The following MTA3 variants were observed in gnomAD, a reference collection of about 807,000 sequenced individuals.
MTA3 encodes metastasis-associated protein MTA3.
MTA3 carries 34 observed loss-of-function variants against 83.5 expected under a neutral mutation model. That is an observed-to-expected ratio of 0.41 (90% CI 0.31 to 0.54). The LOEUF is 0.54. MTA3 is among the 20% of genes least tolerant of loss of function. The pLI, the probability that MTA3 is intolerant of heterozygous loss-of-function variation, is 0.33. For missense variants in MTA3, 761 were observed against 726.4 expected (o/e 1.05, Z -0.55); for synonymous variants, 303 against 252.7 (o/e 1.20, Z -1.89).
chr2:42,618,325 T>C (rs528990491), intron 4 of MTA3, among the ~76,000 whole-genome samples: 1 of 152,326 alleles, frequency 6.6e-6, no homozygotes, highest in African/African-American at 2.4e-5. Flanking sequence ...TTTTTCTAAC[T>C]TAGGGGAACA....
At chr2:42,530,582 G>T (rs1675917814) in intron 2 of MTA3, among the ~76,000 whole-genome samples, 1 of 151,836 alleles carries the variant, frequency 6.6e-6, no homozygotes, top group African/African-American at 2.4e-5. Context: ...TCGGGAGTTT[G>T]AGACCAGTCT....
intron 2 of MTA3, among the ~76,000 whole-genome samples, chr2:42,528,227 C>CT (rs35269830): frequency 3.4e-4 from 50 of 146,090 alleles, no homozygotes; most frequent in Non-Finnish European, 2.9e-4. Context: ...GCCCGGCCCC[C>CT]TTTTTTTTTT....
At chr2:42,642,778 G>A (rs1417876675) in intron 5 of MTA3, among the ~76,000 whole-genome samples, 10 of 65,518 alleles carry the variant, frequency 1.5e-4, no homozygotes, top group Non-Finnish European at 2.6e-4. Flanking sequence ...CTGAGCAGCT[G>A]GGATTACAGG....
At chr2:42,630,098 A>G (rs551731516) in intron 4 of MTA3, among the ~76,000 whole-genome samples, 1 of 152,292 alleles carries the variant, frequency 6.6e-6, no homozygotes. Context: ...AGCGATCCTT[A>G]AATAAAAGCC....
At position 42,496,845 on chromosome 2, in the gene MTA3, T is replaced by A. The variant is rs112926061; in HGVS notation, c.-141+1591T>A. On this transcript the variant is annotated intron_variant, in intron 2 of 17. Transcript: ENST00000405592. ...TCCAGTTCTTTCCTATCTCTATGAA[T>A]TCTGAATAAGGCCACCACAGAGCTC... Among the ~76,000 whole-genome samples the A allele has an allele frequency of 3.4e-3, 516 of 152,304 alleles. 6 individuals carry two copies. Among genetic ancestry groups the A allele is most frequent in the African/African-American group, 0.012 (489 of 41,558 alleles).
At chr2:42,511,036 C>T (rs1032746307) in intron 2 of MTA3, among the ~76,000 whole-genome samples, 12 of 152,112 alleles carry the variant, frequency 7.9e-5, no homozygotes, top group African/African-American at 2.9e-4. Context: ...CCCTTCTGTC[C>T]CTCTAACAAT....
At chr2:42,591,426 T>C (rs940636341) in intron 3 of MTA3, among the ~76,000 whole-genome samples, 7 of 152,182 alleles carry the variant, frequency 4.6e-5, no homozygotes, top group African/African-American at 1.7e-4. Context: ...TACTAAACAC[T>C]GTACACTTAG....
At chr2:42,601,594 C>T (rs919652668) in intron 3 of MTA3, among the ~76,000 whole-genome samples, 5 of 152,204 alleles carry the variant, frequency 3.3e-5, no homozygotes, top group African/African-American at 4.8e-5. Context: ...TACTATATTG[C>T]TCAGGCCAGT....
intron 8 of MTA3, among the ~76,000 whole-genome samples, chr2:42,674,599 T>C (rs13011430): frequency 0.031 from 1,127 of 36,484 alleles, 7 homozygotes; most frequent in African/African-American, 0.083. Context: ...TCTTCTTCTT[T>C]TTTTTTTTTT....
intron 2 of MTA3, among the ~76,000 whole-genome samples, chr2:42,525,067 C>A (rs1250872390): frequency 1.3e-5 from 2 of 151,422 alleles, no homozygotes; most frequent in East Asian, 3.9e-4. Context: ...ATTAACTCAT[C>A]CTTTAGCGTT....
intron 2 of MTA3, among the ~76,000 whole-genome samples, chr2:42,499,119 T>C (rs1674279471): frequency 6.6e-6 from 1 of 152,160 alleles, no homozygotes; most frequent in African/African-American, 2.4e-5. Context: ...GCATAGTACC[T>C]ATATTCAATA....
chr2:42,537,232 G>C (rs1451236398), intron 2 of MTA3, among the ~76,000 whole-genome samples: 1 of 152,120 alleles, frequency 6.6e-6, no homozygotes, highest in Non-Finnish European at 1.5e-5. Context: ...AACCAGTCAA[G>C]TCCAAGTTGG....
rs68029790 is a variant in MTA3 at position 42,586,557 on chromosome 2, AACACACACACACACACACACAC to A, written c.190+7395_190+7416del. 1.9e-3 allele frequency among the ~76,000 whole-genome samples: 237 copies of A among 126,010 alleles called. 2 individuals are homozygous for A. The highest frequency in any genetic ancestry group is 4.4e-3 in the African/African-American group (148 of 33,844). 82.7% of individuals were successfully genotyped at this position (126,010 alleles called of 152,430 possible). A position where few individuals can be genotyped will look rare whatever the true frequency, so the allele number is the denominator to read the frequency against. On this transcript the variant is annotated intron_variant, in intron 3 of 16. Coordinates refer to ENST00000405094, the MANE Select transcript of MTA3 (RefSeq NM_001330442.2). Reference sequence around the variant, plus strand: ...AAAACACACACACACAAGGAAGGAAAACACACACACACACACACACACACACACACACACACACACACACACA... The same window carrying A: ...AAAACACACACACACAAGGAAGGAAAACACACACACACACACACACACACA...
chr2:42,719,708 C>G (rs1463315180), intron 15 of MTA3, among the ~76,000 whole-genome samples: 1 of 152,036 alleles, frequency 6.6e-6, no homozygotes, highest in African/African-American at 2.4e-5. Flanking sequence ...CTTTAGGTGA[C>G]TTTGAAGGGG....
intron 5 of MTA3, among the ~76,000 whole-genome samples, chr2:42,642,275 G>T (rs1264069390): frequency 1.3e-5 from 2 of 152,038 alleles, no homozygotes; most frequent in African/African-American, 2.4e-5. Context: ...TTATTATATT[G>T]TAGAGTATGG....
At chr2:42,573,676 A>G (rs954848329) in intron 2 of MTA3, among the ~76,000 whole-genome samples, 7 of 151,536 alleles carry the variant, frequency 4.6e-5, no homozygotes. Context: ...ATGCCTGGCT[A>G]ATTTTTGTAT....
rs529864327 is a variant in MTA3, at chr2:42,751,433, C to T, written c.1760-1941C>T. On this transcript the variant is annotated intron_variant, in intron 16 of 16. Transcript: ENST00000405094. ...TTCCTGGGGCTCTCTGCCTGTGCTACTGTGCTGAGTCTCTGTATCTGGCTC... is the reference window on the plus strand; with the variant it reads ...TTCCTGGGGCTCTCTGCCTGTGCTATTGTGCTGAGTCTCTGTATCTGGCTC... Among the ~76,000 whole-genome samples the T allele has an allele frequency of 3.9e-5, 6 of 152,348 alleles. No individual in the cohort carries two copies. In the South Asian group the frequency reaches 8.3e-4, roughly 21 times the overall value.
intron 4 of MTA3, among the ~76,000 whole-genome samples, chr2:42,633,234 G>A (rs752732234): frequency 2.2e-4 from 33 of 151,428 alleles, no homozygotes; most frequent in Non-Finnish European, 4.3e-4. Flanking sequence ...AGCCGAGATC[G>A]CACCACTGTA....
chr2:42,531,838 GCTCCGCCTCC>G (rs1675987470), intron 2 of MTA3, among the ~76,000 whole-genome samples: 1 of 146,550 alleles, frequency 6.8e-6, no homozygotes, highest in Non-Finnish European at 1.5e-5. Context: ...CTCACTGCAA[GCTCCGCCTCC>G]TGGGTTCACG....
Sources: allele counts gnomAD v4.1 joint callset (sites outside exome capture counted in the v4.1 genomes callset), GRCh38; gene constraint gnomAD v4.1.1; transcripts MANE v1.5; gene names NCBI Gene and HGNC (gene_info 2026-07-23, HGNC 2026-07-21).